The following SUGCT variants were observed in gnomAD, a reference collection of about 807,000 sequenced individuals.
SUGCT encodes succinyl-CoA:glutarate CoA-transferase.
Under a neutral mutation model 55.0 loss-of-function variants are expected in SUGCT, and 41 were observed. The observed-to-expected ratio is 0.74, with a 90% CI of 0.58 to 0.97. The LOEUF is 0.97. SUGCT is among the 50% of genes least tolerant of loss of function. The pLI, the probability that SUGCT is intolerant of heterozygous loss-of-function variation, is 0.00. For missense variants in SUGCT, 568 were observed against 547.8 expected (o/e 1.04, Z -0.37); for synonymous variants, 187 against 200.4 (o/e 0.93, Z 0.56).
chr7:40,389,469 A>ACAAACAAACAAG (rs10660450), intron 9 of SUGCT, among the ~76,000 whole-genome samples: 47,373 of 148,318 alleles, frequency 0.32, 7,838 homozygotes, highest in Middle Eastern at 0.4. Flanking sequence ...AAACAAACAA[A>ACAAACAAACAAG]CAAGCAAAAA....
At chr7:40,807,746 G>A (rs1791180839) in intron 13 of SUGCT, among the ~76,000 whole-genome samples, 1 of 152,152 alleles carries the variant, frequency 6.6e-6, no homozygotes, top group Non-Finnish European at 1.5e-5. Context: ...AGTTTATAAG[G>A]TGTACTGACT....
the SUGCT span, among the ~76,000 whole-genome samples, chr7:40,931,628 A>G: frequency 2.6e-5 from 4 of 152,128 alleles, no homozygotes; most frequent in Non-Finnish European, 4.4e-5. Flanking sequence ...CAGAGATTCA[A>G]CTTCTTCCTG....
At chr7:41,032,956 G>A in the SUGCT span, among the ~76,000 whole-genome samples, 4 of 152,132 alleles carry the variant, frequency 2.6e-5, no homozygotes, top group Non-Finnish European at 5.9e-5. Flanking sequence ...TAGACACAGG[G>A]TTTCACCATG....
At chr7:40,643,602 C>G (rs1336522508) in intron 12 of SUGCT, among the ~76,000 whole-genome samples, 4 of 152,178 alleles carry the variant, frequency 2.6e-5, no homozygotes, top group African/African-American at 9.7e-5. Context: ...CATTTGAAAA[C>G]AAGTGGATCA....
Position 40,800,918 on chromosome 7 carries a change from T to C in SUGCT, c.1153+51421T>C, listed in dbSNP as rs183002820. 4.6e-5 allele frequency among the ~76,000 whole-genome samples: 7 copies of C among 152,272 alleles called. No individual in the cohort carries two copies. In the East Asian group the frequency reaches 5.8e-4, roughly 13 times the overall value. On this transcript the variant is annotated intron_variant, in intron 13 of 13. Transcript: ENST00000335693. ...TATTATTGCCACCATTTCAGAGATA[T>C]GGAAACTTGAGACAGACACAGTTAA...
At chr7:40,326,744 A>T (rs1003748095) in intron 9 of SUGCT, among the ~76,000 whole-genome samples, 3 of 152,160 alleles carry the variant, frequency 2.0e-5, no homozygotes, top group Non-Finnish European at 2.9e-5. Context: ...ATTAATTGAG[A>T]TTGGGTATAG....
intron 13 of SUGCT, among the ~76,000 whole-genome samples, chr7:40,848,448 C>A (rs1793690244): frequency 6.6e-6 from 1 of 152,112 alleles, no homozygotes; most frequent in African/African-American, 2.4e-5. Context: ...TACCCTAAAG[C>A]TGGCTTAATA....
chr7:40,262,611 G>T (rs1562624355), intron 7 of SUGCT, among the ~76,000 whole-genome samples: 1 of 151,764 alleles, frequency 6.6e-6, no homozygotes, highest in Non-Finnish European at 1.5e-5. Context: ...CTTGCAGTGA[G>T]CCGAGATCGT....
intron 12 of SUGCT, among the ~76,000 whole-genome samples, chr7:40,527,652 T>A (rs1464452495): frequency 6.6e-6 from 1 of 152,216 alleles, no homozygotes; most frequent in Non-Finnish European, 1.5e-5. Flanking sequence ...CATGAGGGTA[T>A]GTAGTCTTTC....
At chr7:40,892,149 T>C in the SUGCT span, among the ~76,000 whole-genome samples, 6 of 152,178 alleles carry the variant, frequency 3.9e-5, no homozygotes, top group Non-Finnish European at 7.4e-5. Context: ...TAACTATAGC[T>C]ACAATAATTT....
chr7:40,498,252 A>T (rs950085312), intron 12 of SUGCT, among the ~76,000 whole-genome samples: 14 of 152,198 alleles, frequency 9.2e-5, no homozygotes, highest in Non-Finnish European at 1.6e-4. Flanking sequence ...CCTCCAGATG[A>T]CATCTAACTG....
At chr7:40,502,108 G>T (rs1422419732) in intron 12 of SUGCT, among the ~76,000 whole-genome samples, 4 of 151,900 alleles carry the variant, frequency 2.6e-5, no homozygotes, top group African/African-American at 9.7e-5. Context: ...AATATATTTT[G>T]ATGTCTTATA....
the SUGCT span, among the ~76,000 whole-genome samples, chr7:40,877,388 T>A: frequency 6.6e-6 from 1 of 152,250 alleles, no homozygotes; most frequent in Admixed American, 6.5e-5. Flanking sequence ...GATAGCATTT[T>A]TTAGACTTCA....
intron 6 of SUGCT, among the ~76,000 whole-genome samples, chr7:40,227,156 C>A (rs1788424290): frequency 1.4e-5 from 2 of 147,636 alleles, no homozygotes; most frequent in Admixed American, 1.4e-4. Flanking sequence ...AAGTGATTCT[C>A]CTGCCTCAGC....
chr7:40,405,046 A>G (rs531142304), intron 9 of SUGCT, among the ~76,000 whole-genome samples: 1 of 152,304 alleles, frequency 6.6e-6, no homozygotes, highest in East Asian at 1.9e-4. Flanking sequence ...TTATTACCTG[A>G]AACCCAAACC....
chr7:40,264,807 A>G (rs752614155), intron 7 of SUGCT, among the ~76,000 whole-genome samples: 2 of 152,170 alleles, frequency 1.3e-5, no homozygotes, highest in Non-Finnish European at 2.9e-5. Flanking sequence ...CATGGCCTCC[A>G]CTTGTCCTTG....
In SUGCT at chr7:40,687,940, G is replaced by A. The variant is rs371681410; in HGVS notation, c.1090-61494G>A. On this transcript the variant is annotated intron_variant, in intron 12 of 13. Coordinates refer to ENST00000335693, the MANE Select transcript of SUGCT (RefSeq NM_001193313.2). ...TTATTTTTGTCCATTTCTTTTGTGTGTATTTGGAATTACAGGGCCCCCCAA... is the reference window on the plus strand; with the variant it reads ...TTATTTTTGTCCATTTCTTTTGTGTATATTTGGAATTACAGGGCCCCCCAA... 5.8e-4 allele frequency among the ~76,000 whole-genome samples: 88 copies of A among 152,124 alleles called. 1 individual carries two copies. Among genetic ancestry groups the A allele is most frequent in the Non-Finnish European group, 1.0e-3 (71 of 68,014 alleles).
At chr7:40,233,029 T>C (rs1237771817) in intron 6 of SUGCT, among the ~76,000 whole-genome samples, 1 of 152,132 alleles carries the variant, frequency 6.6e-6, no homozygotes, top group Admixed American at 6.5e-5. Context: ...AATTTCATTC[T>C]GCACATCACC....
chr7:40,664,349 G>A (rs1447327838), intron 12 of SUGCT, among the ~76,000 whole-genome samples: 1 of 152,130 alleles, frequency 6.6e-6, no homozygotes, highest in African/African-American at 2.4e-5. Context: ...GCAAGTCAGG[G>A]AAATCTAACT....
Sources: gnomAD v4.1 joint callset for allele counts (sites outside exome capture counted in the v4.1 genomes callset) on GRCh38, gnomAD v4.1.1 for gene constraint, MANE v1.5 for transcripts, NCBI Gene and HGNC (gene_info 2026-07-23, HGNC 2026-07-21) for gene names.